MYO16: variants seen among roughly 807,000 people sequenced by gnomAD.
MYO16 encodes the protein unconventional myosin-XVI.
MYO16 carries 94 observed loss-of-function variants against 205.3 expected under a neutral mutation model. The ratio of observed to expected loss-of-function variants is 0.46; its 90% confidence interval spans 0.39 to 0.54. The LOEUF (loss-of-function observed/expected upper bound fraction) is 0.54, where lower values mean the gene tolerates loss of function less well. Ranked by LOEUF, MYO16 falls within the 20% of genes least tolerant of loss-of-function variation. The pLI is 0.00. For synonymous variants in MYO16, 988 were observed against 954.0 expected (o/e 1.04, Z -0.66); for missense variants, 2,315 against 2,387.5 (o/e 0.97, Z 0.63).
intron 20 of MYO16, among the ~76,000 whole-genome samples, chr13:108,983,129 C>A (rs1005316935): frequency 6.6e-6 from 1 of 152,144 alleles, no homozygotes; most frequent in African/African-American, 2.4e-5. Flanking sequence ...GATTGTAATT[C>A]TCTAATTGGT....
chr13:109,086,981 C>T (rs12430217), intron 27 of MYO16, among the ~76,000 whole-genome samples: 4,825 of 152,250 alleles, frequency 0.032, 115 homozygotes, highest in African/African-American at 0.065. Flanking sequence ...TAATATCTCA[C>T]GGGCCAAATG....
intron 6 of MYO16, among the ~76,000 whole-genome samples, chr13:108,795,673 G>C (rs1240723778): frequency 6.6e-6 from 1 of 152,098 alleles, no homozygotes; most frequent in Non-Finnish European, 1.5e-5. Context: ...AATGGCAAAA[G>C]CATTCTAAAT....
intron 15 of MYO16, among the ~76,000 whole-genome samples, chr13:108,899,163 C>A (rs1880587290): frequency 6.6e-6 from 1 of 152,172 alleles, no homozygotes; most frequent in African/African-American, 2.4e-5. Flanking sequence ...GTGGCTCACG[C>A]CTGAAATCCC....
intron 1 of MYO16, among the ~76,000 whole-genome samples, chr13:108,654,671 T>G (rs1881160933): frequency 2.6e-5 from 4 of 152,192 alleles, no homozygotes; most frequent in African/African-American, 9.7e-5. Context: ...CAGGAAAATG[T>G]AGGAAAGTTT....
chr13:109,108,831 C>T lies in MYO16; in HGVS notation c.3438+7944C>T, dbSNP rs1024247381. Among the ~76,000 whole-genome samples the T allele has an allele frequency of 2.0e-5, 3 of 151,988 alleles. No homozygotes were observed. In the South Asian group the frequency reaches 6.2e-4, roughly 32 times the overall value. On this transcript the variant is annotated intron_variant, in intron 28 of 34. Coordinates refer to ENST00000457511, the MANE Select transcript of MYO16 (RefSeq NM_001198950.3). ...GACGTGCTGAGGCAGGACCAAGGGGCCCAGGGTGAGGGGCCCGAGTGTGCT... is the reference window on the plus strand; with the variant it reads ...GACGTGCTGAGGCAGGACCAAGGGGTCCAGGGTGAGGGGCCCGAGTGTGCT...
chr13:108,809,498 TG>T (rs1270837268), intron 7 of MYO16, among the ~76,000 whole-genome samples: 1 of 152,104 alleles, frequency 6.6e-6, no homozygotes, highest in East Asian at 1.9e-4. Flanking sequence ...CATTGCAGAA[TG>T]TGAAGCGGGA....
At chr13:108,541,246 C>T in the MYO16 span, among the ~76,000 whole-genome samples, 1 of 151,756 alleles carries the variant, frequency 6.6e-6, no homozygotes, top group East Asian at 1.9e-4. Context: ...ACTTTACAGA[C>T]ATATAACTTA....
intron 2 of MYO16, among the ~76,000 whole-genome samples, chr13:108,677,308 C>A (rs1383065795): frequency 1.4e-5 from 2 of 143,590 alleles, no homozygotes; most frequent in Non-Finnish European, 3.0e-5. Context: ...ATAAGGTGCA[C>A]ATGCATGTGT....
At chr13:108,843,022 T>TAA (rs2139069476) in intron 9 of MYO16, among the ~76,000 whole-genome samples, 1 of 152,166 alleles carries the variant, frequency 6.6e-6, no homozygotes, top group East Asian at 1.9e-4. Flanking sequence ...TACATGATCT[T>TAA]GCTTATGTGT....
intron 7 of MYO16, among the ~76,000 whole-genome samples, chr13:108,818,906 C>T (rs571565844): frequency 6.6e-6 from 1 of 152,290 alleles, no homozygotes; most frequent in East Asian, 1.9e-4. Flanking sequence ...CCATAAACCA[C>T]AATGCTCTAT....
At chr13:108,665,802 A>G (rs751281373) in intron 1 of MYO16, 84 bp from the exon 2 acceptor site, 5 of 1,392,490 alleles carry the variant, frequency 3.6e-6, no homozygotes, top group Non-Finnish European at 1.9e-6. Context: ...TGCAATGGAC[A>G]ATATAAAATC....
intron 27 of MYO16, among the ~76,000 whole-genome samples, chr13:109,069,737 C>T (rs1186574367): frequency 6.6e-6 from 1 of 152,076 alleles, no homozygotes; most frequent in African/African-American, 2.4e-5. Context: ...GGGCCCCACC[C>T]TTATGACCTA....
chr13:108,985,802 T>G (rs74121927), intron 20 of MYO16, among the ~76,000 whole-genome samples: 3,223 of 152,352 alleles, frequency 0.021, 127 homozygotes, highest in African/African-American at 0.073. Context: ...ATTTAACAAA[T>G]ATTTATCTAA....
intron 1 of MYO16, among the ~76,000 whole-genome samples, chr13:108,620,681 C>A (rs141464554): frequency 4.6e-5 from 7 of 152,318 alleles, no homozygotes; most frequent in Admixed American, 2.6e-4. Flanking sequence ...GAGGACTCAC[C>A]TTTTGGTCGA....
intron 23 of MYO16, chr13:109,028,464 A>C (rs1176871066): frequency 4.1e-6 from 1 of 246,200 alleles, no homozygotes; most frequent in Middle Eastern, 5.2e-4. Context: ...TTTGTAAAAA[A>C]AATATATATT....
intron 10 of MYO16, among the ~76,000 whole-genome samples, chr13:108,853,625 C>T (rs1878006990): frequency 6.9e-6 from 1 of 145,802 alleles, no homozygotes; most frequent in African/African-American, 2.6e-5. Flanking sequence ...GAGACAGGGC[C>T]TAGCTCTGTC....
chr13:109,103,457 C>T (rs570136686), intron 28 of MYO16, among the ~76,000 whole-genome samples: 17 of 152,282 alleles, frequency 1.1e-4, no homozygotes, highest in South Asian at 6.2e-4. Flanking sequence ...TGAATGGTTA[C>T]TCTTTTCCAT....
At chr13:108,524,494 C>T in the MYO16 span, among the ~76,000 whole-genome samples, 1 of 152,054 alleles carries the variant, frequency 6.6e-6, no homozygotes, top group Non-Finnish European at 1.5e-5. Context: ...TCTTGTAAAC[C>T]CTGTATAACT....
At chr13:108,551,160 A>G in the MYO16 span, among the ~76,000 whole-genome samples, 1 of 152,182 alleles carries the variant, frequency 6.6e-6, no homozygotes, top group African/African-American at 2.4e-5. Context: ...TTGTTTTCAT[A>G]CTATACAATC....
Sources: gnomAD v4.1 joint callset for allele counts (sites outside exome capture counted in the v4.1 genomes callset) on GRCh38, gnomAD v4.1.1 for gene constraint, MANE v1.5 for transcripts, NCBI Gene and HGNC (gene_info 2026-07-23, HGNC 2026-07-21) for gene names.